The following STXBP5L variants were observed in gnomAD, a reference collection of about 807,000 sequenced individuals.
The protein encoded by STXBP5L is syntaxin-binding protein 5-like.
In STXBP5L, 65 loss-of-function variants were observed where a neutral mutation model predicts 144.5. The observed-to-expected ratio is 0.45, with a 90% CI of 0.37 to 0.55. The LOEUF (loss-of-function observed/expected upper bound fraction) is 0.55, where lower values mean the gene tolerates loss of function less well. Ranked by LOEUF, STXBP5L falls within the 20% of genes least tolerant of loss-of-function variation. STXBP5L has a pLI of 0.00. For synonymous variants in STXBP5L, 505 were observed against 469.6 expected (o/e 1.08, Z -0.97); for missense variants, 1,298 against 1,405.5 (o/e 0.92, Z 1.22).
chr3:120,973,285 T>C (rs1329432552), intron 3 of STXBP5L, among the ~76,000 whole-genome samples: 1 of 152,138 alleles, frequency 6.6e-6, no homozygotes, highest in Non-Finnish European at 1.5e-5. Flanking sequence ...TATTTCATCC[T>C]AGTTCAATCT....
Position 120,922,829 on chromosome 3 carries a change from T to G in STXBP5L, c.189+13062T>G, listed in dbSNP as rs146772752. On this transcript the variant is annotated intron_variant, in intron 2 of 26. Transcript: ENST00000471454. ...CAGGGATACTGGCCTGTAGTTTTCT[T>G]TTTTTATTGTGTCTTTGTCTGGTTT... 3.8e-3 allele frequency among the ~76,000 whole-genome samples: 573 copies of G among 152,138 alleles called. 29 individuals carry two copies. The South Asian group carries it at 0.1, about 27-fold the overall frequency.
chr3:121,086,373 A>G (rs1437432687), intron 5 of STXBP5L, among the ~76,000 whole-genome samples: 1 of 152,144 alleles, frequency 6.6e-6, no homozygotes, highest in Non-Finnish European at 1.5e-5. Flanking sequence ...ACTACATATA[A>G]AAGAGGATAA....
intron 3 of STXBP5L, among the ~76,000 whole-genome samples, chr3:121,021,334 C>G (rs1945535801): frequency 6.6e-6 from 1 of 152,124 alleles, no homozygotes; most frequent in Admixed American, 6.5e-5. Context: ...CTTTAATACT[C>G]TACTGATAGT....
chr3:120,994,762 G>C (rs1349193019), intron 3 of STXBP5L, among the ~76,000 whole-genome samples: 2 of 151,714 alleles, frequency 1.3e-5, no homozygotes, highest in East Asian at 3.9e-4. Context: ...ATGGTTTTCT[G>C]GTTTTTTTAA....
At chr3:121,245,685 G>A (rs1474773494) in intron 14 of STXBP5L, among the ~76,000 whole-genome samples, 1 of 151,902 alleles carries the variant, frequency 6.6e-6, no homozygotes, top group Non-Finnish European at 1.5e-5. Flanking sequence ...TAACTCACAA[G>A]GGACAAAGAA....
At chr3:120,961,329 G>T (rs1017014895) in intron 3 of STXBP5L, among the ~76,000 whole-genome samples, 1 of 150,934 alleles carries the variant, frequency 6.6e-6, no homozygotes, top group Admixed American at 6.6e-5. Flanking sequence ...CAACGTGCAG[G>T]TTTGATACAT....
At chr3:121,197,141 TATTC>T (rs1165763832) in intron 9 of STXBP5L, among the ~76,000 whole-genome samples, 2 of 152,248 alleles carry the variant, frequency 1.3e-5, no homozygotes, top group Non-Finnish European at 2.9e-5. Context: ...TTTCGTTTGT[TATTC>T]AGTCAGATGT....
intron 10 of STXBP5L, among the ~76,000 whole-genome samples, chr3:121,212,598 G>T (rs1440713211): frequency 6.7e-6 from 1 of 148,264 alleles, no homozygotes; most frequent in African/African-American, 2.4e-5. Flanking sequence ...CCAGAAGCAT[G>T]CTGTTTTCGT....
intron 9 of STXBP5L, chr3:121,158,356 C>T (rs2046194726): frequency 6.6e-6 from 1 of 152,090 alleles, no homozygotes; most frequent in African/African-American, 2.4e-5. Flanking sequence ...CAAACATATT[C>T]TATGTTACAG....
intron 2 of STXBP5L, among the ~76,000 whole-genome samples, chr3:120,919,264 G>C (rs1220244433): frequency 6.6e-6 from 1 of 151,974 alleles, no homozygotes; most frequent in Admixed American, 6.6e-5. Context: ...ATTTGATAAG[G>C]ATTCACTCTA....
chr3:121,234,454 T>C (rs1467931312), intron 12 of STXBP5L, among the ~76,000 whole-genome samples: 2 of 152,294 alleles, frequency 1.3e-5, no homozygotes, highest in Admixed American at 6.5e-5. Flanking sequence ...TATTCTAGTA[T>C]GGGCTCTCAT....
chr3:121,285,370 CTG>C (rs1225133275), intron 19 of STXBP5L, among the ~76,000 whole-genome samples: 1 of 152,068 alleles, frequency 6.6e-6, no homozygotes, highest in Non-Finnish European at 1.5e-5. Flanking sequence ...AGGCTTTTCA[CTG>C]TATAATCTTG....
At chr3:121,056,621 A>G (rs1948477718) in intron 5 of STXBP5L, among the ~76,000 whole-genome samples, 1 of 152,178 alleles carries the variant, frequency 6.6e-6, no homozygotes, top group Non-Finnish European at 1.5e-5. Context: ...GTGTTGCATA[A>G]CTAATATATT....
chr3:121,256,196 AT>A (rs2050201304), intron 16 of STXBP5L, among the ~76,000 whole-genome samples: 1 of 152,080 alleles, frequency 6.6e-6, no homozygotes, highest in Admixed American at 6.5e-5. Flanking sequence ...TGATGATTAT[AT>A]AAAGACATTA....
At chr3:121,313,158 G>A (rs1404343013) in intron 19 of STXBP5L, among the ~76,000 whole-genome samples, 7 of 144,966 alleles carry the variant, frequency 4.8e-5, no homozygotes, top group African/African-American at 1.8e-4. Context: ...TCCCAGTAGG[G>A]GCGGCCGGGC....
intron 21 of STXBP5L, among the ~76,000 whole-genome samples, chr3:121,379,887 T>G (rs1011333229): frequency 6.6e-6 from 1 of 152,186 alleles, no homozygotes; most frequent in Non-Finnish European, 1.5e-5. Context: ...GAGGTTGGAT[T>G]ACAGTGGCAT....
At chr3:121,266,845 A>G (rs2108406719) in intron 18 of STXBP5L, among the ~76,000 whole-genome samples, 1 of 152,214 alleles carries the variant, frequency 6.6e-6, no homozygotes, top group Non-Finnish European at 1.5e-5. Context: ...AGACAAAGAG[A>G]GTGAACTCTC....
chr3:121,228,029 C>T (rs1420526323), intron 11 of STXBP5L, among the ~76,000 whole-genome samples: 2 of 152,086 alleles, frequency 1.3e-5, no homozygotes, highest in Middle Eastern at 3.2e-3. Flanking sequence ...AGATTTGGGT[C>T]CTGGAGAGAC....
chr3:120,991,878 G>T (rs903467606), intron 3 of STXBP5L, among the ~76,000 whole-genome samples: 2 of 152,046 alleles, frequency 1.3e-5, no homozygotes, highest in African/African-American at 4.8e-5. Flanking sequence ...GAGTTAATGG[G>T]TGCAGCATAC....
Sources: gnomAD v4.1 joint callset for allele counts (sites outside exome capture counted in the v4.1 genomes callset) on GRCh38, gnomAD v4.1.1 for gene constraint, MANE v1.5 for transcripts, NCBI Gene and HGNC (gene_info 2026-07-23, HGNC 2026-07-21) for gene names.